The following SEMA7A variants were observed in gnomAD, a reference collection of about 807,000 sequenced individuals.
The protein encoded by SEMA7A is semaphorin-7A.
SEMA7A carries 21 observed loss-of-function variants against 67.5 expected under a neutral mutation model. The observed-to-expected ratio is 0.31, with a 90% CI of 0.22 to 0.45. SEMA7A has a LOEUF of 0.45. Ranked by LOEUF, SEMA7A falls within the 20% of genes least tolerant of loss-of-function variation. The pLI, the probability that SEMA7A is intolerant of heterozygous loss-of-function variation, is 1.00. For missense variants in SEMA7A, 774 were observed against 908.6 expected (o/e 0.85, Z 1.90); for synonymous variants, 364 against 368.5 (o/e 0.99, Z 0.14).
Position 74,433,803 on chromosome 15 carries a change from G to A in SEMA7A, c.116C>T (p.Ala39Val), listed in dbSNP as rs1367465551. Reference sequence around the variant, plus strand: ...GTGGCCCTGGGCGGAGGCGGCGGCCGCCCAGAGCAGCAGCAGCAGCCGCAG... The same window carrying A: ...GTGGCCCTGGGCGGAGGCGGCGGCCACCCAGAGCAGCAGCAGCAGCCGCAG... ...LRLRLLLLLW[A>V]AAASAQGHLR... The change falls in exon 1 of 14, where the codon GCG (alanine) becomes GTG (valine). Residue 39 changes from alanine to valine, a missense_variant. Transcript: ENST00000261918. 5.6e-6 allele frequency: 8 copies of A among 1,417,886 alleles called. No individual in the cohort carries two copies. The highest frequency in any genetic ancestry group is 2.9e-5 in the Admixed American group (1 of 34,534). 87.8% of individuals were successfully genotyped at this position (1,417,886 alleles called of 1,614,324 possible).
chr15:74,417,699 A>G (rs776585306), intron 4 of SEMA7A, 24 bp from the exon 5 acceptor site: 1 of 1,596,446 alleles, frequency 6.3e-7, no homozygotes, highest in South Asian at 1.1e-5. Flanking sequence ...AGAGGGTTGG[A>G]TGGCCACATA....
Position 74,411,678 on chromosome 15 carries a change from C to T in SEMA7A, c.1455G>A (p.Val485=). 1.2e-6 allele frequency: 2 copies of T among 1,613,662 alleles called. No homozygotes were observed. Among genetic ancestry groups the T allele is most frequent in the Non-Finnish European group, 1.7e-6 (2 of 1,179,994 alleles). Residue 485 remains valine, a synonymous_variant, in exon 12 of 14, where the codon GTG becomes GTA. Transcript: ENST00000261918. This position sits in a 1 kb window ranked among gnomAD's most constrained non-coding sequence, Gnocchi z 4.4. The part of the protein sequence containing the change: ...RKLYVSSQWE[V]SQVPLDLCEV... ...CACACAGGTCCAGGGGCACCTGGCT[C>T]ACCTCCCACTGGGAGCTCACATACA...
Position 74,410,785 on chromosome 15 carries a change from C to T in SEMA7A, c.1840G>A (p.Glu614Lys). The T allele has an allele frequency of 6.2e-7, 1 of 1,614,200 alleles. No homozygotes were observed. Among genetic ancestry groups the T allele is most frequent in the Non-Finnish European group, 8.5e-7 (1 of 1,180,054 alleles). The change falls in exon 14 of 14, where the codon GAG becomes AAG. Residue 614 changes from glutamate (E) to lysine (K), a missense_variant. Glu to Lys is a moderately conservative substitution (Grantham distance 56). Transcript: ENST00000261918. The surrounding 1 kb of genome is among the most constrained non-coding windows in gnomAD (Gnocchi z 7.5). ...TAQQYGHYFC[E>K]AQEGSYFREA... ...CGGAAGTAGGAGCCCTCCTGGGCCT[C>T]GCAGAAGTAGTGGCCGTACTGCTGC...
intron 1 of SEMA7A, chr15:74,427,127 G>A (rs1214037823): frequency 1.4e-6 from 1 of 727,358 alleles, no homozygotes; most frequent in Non-Finnish European, 1.7e-6. Flanking sequence ...ATTCCAGACT[G>A]CTCCAGCCCT....
chr15:74,418,407 C>A, intron 2 of SEMA7A, 98 bp from the exon 3 acceptor site: 1 of 1,202,036 alleles, frequency 8.3e-7, no homozygotes. Context: ...AAGGAAGCAA[C>A]CATTATTCTC....
chr15:74,418,768 TA>T (rs761213938), intron 2 of SEMA7A, 32 bp downstream of exon 2: 83 of 1,602,192 alleles, frequency 5.2e-5, no homozygotes, highest in African/African-American at 4.2e-4. Context: ...GATAAGAGGG[TA>T]GGGGGGGTGT....
rs535499535 is a variant in SEMA7A at position 74,411,251 on chromosome 15, C to A, written c.1639+44G>T. The A allele has an allele frequency of 6.3e-7, 1 of 1,593,538 alleles. No homozygotes were observed. The highest frequency in any genetic ancestry group is 1.1e-5 in the South Asian group (1 of 88,984). ...CAGGACAATCAGGGCAGGGCAGTAC[C>A]CCACTCATTGGGCCACAGCCGCCAG... On this transcript the variant is annotated intron_variant, in intron 13 of 13. Coordinates refer to ENST00000261918, the MANE Select transcript of SEMA7A (RefSeq NM_003612.5). This position sits in a 1 kb window ranked among gnomAD's most constrained non-coding sequence, Gnocchi z 4.4.
rs1386547285 is a variant in SEMA7A, at chr15:74,410,652, G to T, written c.1973C>A (p.Thr658Lys). The change falls in exon 14 of 14, where the codon ACA becomes AAA. Residue 658 changes from threonine (T) to lysine (K), a missense_variant. Physicochemically the swap from Thr to Lys is moderately conservative, Grantham distance 78 (BLOSUM62 -1). Around this residue, in one of 2 missense-constraint regions of SEMA7A, gnomAD observed 427 missense variants for 555.4 expected, o/e 0.77. Transcript: ENST00000261918. This position sits in a 1 kb window ranked among gnomAD's most constrained non-coding sequence, Gnocchi z 7.5. ...GTGGACCAGCAAGCCAAGAGTGAGTGTGGGCAGCACCCCCAGCCAGAGGGA... is the reference window on the plus strand; with the variant it reads ...GTGGACCAGCAAGCCAAGAGTGAGTTTGGGCAGCACCCCCAGCCAGAGGGA... Reference protein sequence around the residue: ...AASLWLGVLPTLTLGLLVH With the variant: ...AASLWLGVLPKLTLGLLVH 1.2e-6 allele frequency: 2 copies of T among 1,601,806 alleles called. No homozygotes were observed.
rs760764372 is a variant in SEMA7A at position 74,411,600 on chromosome 15, G to A, written c.1533C>T (p.Cys511=). Residue 511 remains cysteine (C), a synonymous_variant, in exon 12 of 14, where the codon TGC becomes TGT. Coordinates refer to ENST00000261918, the MANE Select transcript of SEMA7A (RefSeq NM_003612.5). The surrounding 1 kb of genome is among the most constrained non-coding windows in gnomAD (Gnocchi z 4.4). ...HGCLMSRDPY[C]GWDQGRCISI... ...AGATGCAGCGGCCTTGGTCCCAGCC[G>A]CAGTAGGGGTCTCGGGACATGAGGC... is the stretch of plus-strand genomic sequence containing the variant. 33 of 1,596,892 alleles carry A rather than the reference G, an allele frequency of 2.1e-5. No homozygotes were observed. Among genetic ancestry groups the A allele is most frequent in the Admixed American group, 1.7e-4 (10 of 57,670 alleles).
rs772214873 is a variant in SEMA7A, at chr15:74,418,269, C to T, written c.371G>A (p.Arg124Gln). The change falls in exon 3 of 14, where the codon CGG (arginine) becomes CAG (glutamine). Residue 124 changes from arginine to glutamine, a missense_variant and splice_region_variant. By Grantham distance (43) the Arg-to-Gln change is conservative (BLOSUM62 1). Transcript: ENST00000261918. ...GSTKGSCLDK[R>Q]DCENYITLLE... ...CTCCATACCCCCTCCCCCACTCACC[C>T]GCTTATCCAGACAGGACCCCTTTGT... The T allele has an allele frequency of 3.7e-6, 6 of 1,612,582 alleles. No homozygotes were observed. The Admixed American group carries it at 5.0e-5, about 14-fold the overall frequency.
chr15:74,411,211 A>G lies in SEMA7A; in HGVS notation c.1639+84T>C. The G allele has an allele frequency of 6.8e-7, 1 of 1,472,588 alleles. No homozygotes were observed. Among genetic ancestry groups the G allele is most frequent in the Non-Finnish European group, 9.3e-7 (1 of 1,074,440 alleles). The allele number at this position is 1,472,588 out of a possible 1,614,324, so 91.2% of individuals were successfully genotyped here. A position where few individuals can be genotyped will look rare whatever the true frequency, so the allele number is the denominator to read the frequency against. On this transcript the variant is annotated intron_variant, in intron 13 of 13. Coordinates refer to ENST00000261918, the MANE Select transcript of SEMA7A (RefSeq NM_003612.5). The surrounding 1 kb of genome is among the most constrained non-coding windows in gnomAD (Gnocchi z 4.4). ...TACCTGGGGCCCACAGGACAAGGCC[A>G]TGTCTCCCTCAGACCAGGACAATCA...
In SEMA7A at chr15:74,411,928, C is replaced by T. The variant is rs56204206; in HGVS notation, c.1379G>A (p.Arg460His). 2.4e-5 allele frequency: 38 copies of T among 1,613,882 alleles called. No homozygotes were observed. Among genetic ancestry groups the T allele is most frequent in the Admixed American group, 5.0e-5 (3 of 60,008 alleles). Residue 460 changes from arginine to histidine, a missense_variant, in exon 11 of 14, where the codon CGC becomes CAC. Physicochemically the swap from Arg to His is conservative, Grantham distance 29. Transcript: ENST00000261918. The surrounding 1 kb of genome is among the most constrained non-coding windows in gnomAD (Gnocchi z 4.4). ...CATGGTCTGGATGGCAGCCGCGCGG[C>T]GGAAGGGCTGGATCTCCATGATGTT... is the stretch of plus-strand genomic sequence containing the variant. ...AFNIMEIQPF[R>H]RAAAIQTMSL...
chr15:74,429,704 C>T (rs2061071527), intron 1 of SEMA7A, among the ~76,000 whole-genome samples: 1 of 152,198 alleles, frequency 6.6e-6, no homozygotes, highest in Admixed American at 6.5e-5. Flanking sequence ...ACAGGTATCC[C>T]CTCACCTATG....
chr15:74,418,287 CCCTT>C lies in SEMA7A; in HGVS notation c.349_352del (p.Lys117GlyfsTer39). On this transcript the variant is annotated frameshift_variant, in exon 3 of 14. Transcript: ENST00000261918. LOFTEE classifies it high-confidence loss of function. ...ACTCACCCGCTTATCCAGACAGGAC[CCCTT>C]TGTGGAGCCGATATTCACCTGGGGG... is the stretch of plus-strand genomic sequence containing the variant. 1.2e-6 allele frequency: 2 copies of C among 1,611,424 alleles called. No homozygotes were observed.
rs769597918 is a variant in SEMA7A at position 74,411,578 on chromosome 15, T to C, written c.1555A>G (p.Ile519Val). Residue 519 changes from isoleucine (I) to valine (V), a missense_variant, in exon 12 of 14, where the codon ATC (isoleucine) becomes GTC (valine). This residue lies in a region of SEMA7A where 427 missense variants were observed against 555.4 expected (regional missense o/e 0.77). Transcript: ENST00000261918. The surrounding 1 kb of genome is among the most constrained non-coding windows in gnomAD (Gnocchi z 4.4). ...TACCGTTCGGAGCTGTAGATGGAGA[T>C]GCAGCGGCCTTGGTCCCAGCCGCAG... ...PYCGWDQGRCISIYSSERSVL... is the reference protein window; with the variant it reads ...PYCGWDQGRCVSIYSSERSVL... The C allele has an allele frequency of 3.8e-6, 6 of 1,579,228 alleles. No homozygotes were observed. Among genetic ancestry groups the C allele is most frequent in the Non-Finnish European group, 5.2e-6 (6 of 1,161,462 alleles).
At chr15:74,428,952 C>T (rs1482755401) in intron 1 of SEMA7A, among the ~76,000 whole-genome samples, 8 of 152,220 alleles carry the variant, frequency 5.3e-5, no homozygotes, top group African/African-American at 1.9e-4. Context: ...CCCTCCATCC[C>T]CCTGCTTTCT....
intron 1 of SEMA7A, among the ~76,000 whole-genome samples, chr15:74,419,428 C>T (rs8025655): frequency 6.6e-6 from 1 of 151,952 alleles, no homozygotes; most frequent in Non-Finnish European, 1.5e-5. Flanking sequence ...TCAAGCACCC[C>T]CCTTGGAGTC....
At position 74,415,790 on chromosome 15, in the gene SEMA7A, G is replaced by A. The variant is rs769508572; in HGVS notation, c.986+11C>T. The A allele has an allele frequency of 6.2e-7, 1 of 1,607,560 alleles. No individual in the cohort carries two copies. The highest frequency in any genetic ancestry group is 1.3e-5 in the African/African-American group (1 of 74,760). On this transcript the variant is annotated intron_variant, in intron 8 of 13. Transcript: ENST00000261918. ...AATGCCAGCCCCGGCCCCAGGACAA[G>A]GGCCACTCACCAGGGGTTGGAGAAA...
Position 74,416,049 on chromosome 15 carries a change from G to C in SEMA7A, c.802-64C>G, listed in dbSNP as rs565629127. The stretch of plus-strand genomic sequence containing the variant: ...GCCCGGGCTTCCCCACACACCCCAG[G>C]AAACCACTGCCAGCAATATCAACAC... On this transcript the variant is annotated intron_variant, in intron 7 of 13. Transcript: ENST00000261918. 42 of 1,514,242 alleles carry C rather than the reference G, an allele frequency of 2.8e-5. No homozygotes were observed. In the East Asian group the frequency reaches 5.7e-4, roughly 20 times the overall value. The allele number at this position is 1,514,242 out of a possible 1,614,324, so 93.8% of individuals were successfully genotyped here. A position where few individuals can be genotyped will look rare whatever the true frequency, so the allele number is the denominator to read the frequency against.
Sources: gnomAD v4.1 joint callset for allele counts (sites outside exome capture counted in the v4.1 genomes callset) on GRCh38, gnomAD v4.1.1 for gene constraint, gnomAD v4.1.1 regional missense constraint, Gnocchi (gnomAD v3.1) non-coding constraint, MANE v1.5 for transcripts, NCBI Gene and HGNC (gene_info 2026-07-23, HGNC 2026-07-21) for gene names.